DCUN1D4: variants seen among roughly 807,000 people sequenced by gnomAD.
The protein encoded by DCUN1D4 is DCN1-like protein 4.
Under a neutral mutation model 47.9 loss-of-function variants are expected in DCUN1D4, and 22 were observed. The ratio of observed to expected loss-of-function variants is 0.46; its 90% CI spans 0.33 to 0.66. The LOEUF is 0.66. Ranked by LOEUF, DCUN1D4 falls within the 30% of genes least tolerant of loss-of-function variation. DCUN1D4 has a pLI of 0.02. For missense variants in DCUN1D4, 301 were observed against 340.8 expected, an observed-to-expected ratio of 0.88 and a Z score of 0.92; for synonymous variants, 121 against 112.2, an observed-to-expected ratio of 1.08 and a Z score of -0.50.
intron 4 of DCUN1D4, chr4:51,875,222 T>C (rs1476910169): frequency 6.6e-6 from 1 of 152,202 alleles, no homozygotes; most frequent in Non-Finnish European, 1.5e-5. Context: ...ATAGAAAATA[T>C]TATCTGAAAG....
upstream of DCUN1D4, among the ~76,000 whole-genome samples, chr4:51,839,017 G>A (rs1721564599): frequency 6.6e-6 from 1 of 152,216 alleles, no homozygotes; most frequent in Admixed American, 6.5e-5. Flanking sequence ...AGAGGTTGCC[G>A]TGAATGGAGA....
At chr4:51,867,852 C>G (rs1483518357) in intron 3 of DCUN1D4, among the ~76,000 whole-genome samples, 2 of 152,226 alleles carry the variant, frequency 1.3e-5, no homozygotes, top group Non-Finnish European at 2.9e-5. Context: ...GCGCAGAAGC[C>G]TGCTTCCTGA....
chr4:51,866,378 G>GTGATGA (rs540585746), intron 3 of DCUN1D4, among the ~76,000 whole-genome samples: 2,199 of 149,050 alleles, frequency 0.015, 32 homozygotes, highest in East Asian at 0.066. Flanking sequence ...CCAAATTATG[G>GTGATGA]TGATGATGAT....
intron 8 of DCUN1D4, 26 bp from the exon 9 acceptor site, chr4:51,911,044 C>T (rs1415891595): frequency 6.2e-7 from 1 of 1,604,950 alleles, no homozygotes; most frequent in African/African-American, 1.3e-5. Flanking sequence ...GCATCTGGCT[C>T]ATCCTTGTTT....
intron 7 of DCUN1D4, among the ~76,000 whole-genome samples, chr4:51,894,643 A>G (rs1730957594): frequency 6.6e-6 from 1 of 152,200 alleles, no homozygotes; most frequent in South Asian, 2.1e-4. Flanking sequence ...AAACCCAGAG[A>G]GTAATCATTT....
chr4:51,905,902 G>C (rs1184802221), intron 8 of DCUN1D4, among the ~76,000 whole-genome samples: 3 of 152,134 alleles, frequency 2.0e-5, no homozygotes, highest in Non-Finnish European at 4.4e-5. Flanking sequence ...AGAAGTTTGA[G>C]AGGAGCCCTG....
intron 8 of DCUN1D4, chr4:51,905,098 T>C (rs572099688): frequency 1.3e-4 from 55 of 424,292 alleles, no homozygotes; most frequent in African/African-American, 1.0e-3. Context: ...TTTCTTCCCC[T>C]TTGAACCTTG....
At chr4:51,843,034 C>G (rs955568310), upstream of DCUN1D4, 4 of 1,363,270 alleles carry the variant, frequency 2.9e-6, no homozygotes, top group Non-Finnish European at 3.8e-6. Context: ...AGCTCCAGAC[C>G]GGCGCTATGG....
intron 8 of DCUN1D4, among the ~76,000 whole-genome samples, chr4:51,905,527 T>G (rs1732755836): frequency 6.6e-6 from 1 of 152,256 alleles, no homozygotes; most frequent in Non-Finnish European, 1.5e-5. Context: ...TGTTGTTATA[T>G]GGATTCTTTT....
At chr4:51,902,481 A>G (rs1388777845) in intron 8 of DCUN1D4, among the ~76,000 whole-genome samples, 1 of 152,204 alleles carries the variant, frequency 6.6e-6, no homozygotes, top group African/African-American at 2.4e-5. Context: ...AAGACGCTTT[A>G]CCATTATGTA....
intron 8 of DCUN1D4, among the ~76,000 whole-genome samples, chr4:51,910,050 C>T (rs1175443810): frequency 6.6e-6 from 1 of 152,176 alleles, no homozygotes; most frequent in East Asian, 1.9e-4. Context: ...GTGGTCACAG[C>T]ATCATCCCTT....
upstream of DCUN1D4, among the ~76,000 whole-genome samples, chr4:51,841,389 G>A (rs1226960800): frequency 2.0e-5 from 3 of 152,114 alleles, no homozygotes; most frequent in Non-Finnish European, 4.4e-5. Flanking sequence ...GAGTAAGGGC[G>A]GATATTCTTA....
At chr4:51,898,358 G>A (rs1267761326) in intron 7 of DCUN1D4, among the ~76,000 whole-genome samples, 2 of 152,138 alleles carry the variant, frequency 1.3e-5, no homozygotes, top group African/African-American at 2.4e-5. Flanking sequence ...CCTTGTGGCA[G>A]GGGGGCAGAC....
At chr4:51,899,418 C>A in intron 8 of DCUN1D4, 40 bp downstream of exon 8, 1 of 1,553,702 alleles carries the variant, frequency 6.4e-7, no homozygotes. Flanking sequence ...TCCCTCTCTT[C>A]CCTCCCCTTT....
At chr4:51,891,690 A>ACAAATTAAT in intron 6 of DCUN1D4, 70 bp from the exon 7 acceptor site, 1 of 1,217,804 alleles carries the variant, frequency 8.2e-7, no homozygotes, top group South Asian at 1.4e-5. Flanking sequence ...TATTAATGAC[A>ACAAATTAAT]GATCTATTTG....
upstream of DCUN1D4, among the ~76,000 whole-genome samples, chr4:51,842,782 G>C (rs1368907464): frequency 7.9e-5 from 12 of 152,168 alleles, no homozygotes; most frequent in South Asian, 1.9e-3. Flanking sequence ...TTCAGACGCC[G>C]ACCCATCTTT....
upstream of DCUN1D4, among the ~76,000 whole-genome samples, chr4:51,841,132 T>C (rs1040698099): frequency 5.3e-5 from 8 of 152,160 alleles, no homozygotes; most frequent in African/African-American, 1.9e-4. Context: ...AGCAAATGAC[T>C]AGCTATAATT....
At chr4:51,873,175 G>A (rs560365984) in intron 3 of DCUN1D4, among the ~76,000 whole-genome samples, 18 of 152,212 alleles carry the variant, frequency 1.2e-4, no homozygotes, top group African/African-American at 4.3e-4. Flanking sequence ...GAGAGCCCTG[G>A]GCCTTCAACC....
chr4:51,885,385 A>G (rs1729308130), intron 5 of DCUN1D4, among the ~76,000 whole-genome samples: 1 of 152,228 alleles, frequency 6.6e-6, no homozygotes, highest in Admixed American at 6.5e-5. Context: ...GAAAGGAGGA[A>G]TACAGGAAGA....
Sources: allele counts gnomAD v4.1 joint callset (sites outside exome capture counted in the v4.1 genomes callset), GRCh38; gene constraint gnomAD v4.1.1; transcripts MANE v1.5; gene names NCBI Gene and HGNC (gene_info 2026-07-23, HGNC 2026-07-21).